Variants in SIDT2 observed in about 807,000 individuals in gnomAD.
SIDT2 encodes SID1 transmembrane family, member 2.
SIDT2 carries 68 observed loss-of-function variants against 114.4 expected under a neutral mutation model. The observed-to-expected ratio is 0.59, with a 90% CI of 0.49 to 0.73. SIDT2 has a LOEUF of 0.73. Among genes scored for constraint, SIDT2 ranks in the 30% least tolerant of loss-of-function variants. The probability of loss-of-function intolerance (pLI) is 0.00; values close to 1 mark genes in which losing one functional copy is unlikely to be tolerated. For missense variants in SIDT2, 918 were observed against 1,097.1 expected, an observed-to-expected ratio of 0.84 and a Z score of 2.31; for synonymous variants, 470 against 438.4, an observed-to-expected ratio of 1.07 and a Z score of -0.90.
chr11:117,193,122 C>T, intron 22 of SIDT2, 31 bp from the exon 23 acceptor site: 1 of 1,609,926 alleles, frequency 6.2e-7, no homozygotes, highest in Non-Finnish European at 8.5e-7. Flanking sequence ...CTTGGGCTTC[C>T]TGCTTCACCA....
At chr11:117,181,309 G>A in intron 1 of SIDT2, 107 bp from the exon 2 acceptor site, 1 of 1,532,070 alleles carries the variant, frequency 6.5e-7, no homozygotes, top group Non-Finnish European at 8.8e-7. Context: ...GACCAAGATG[G>A]AGAAAGACCA....
At chr11:117,191,411 C>G (rs1372583652) in intron 18 of SIDT2, 1 of 159,346 alleles carries the variant, frequency 6.3e-6, no homozygotes, top group Non-Finnish European at 1.4e-5. Flanking sequence ...TGGTGAAACC[C>G]CATCTCTACT....
rs765944497 is a variant in SIDT2 at position 117,186,188 on chromosome 11, G to A, written c.927G>A (p.Leu309=). ...FCLGIFLSFY[L]LTVLLACWEN... The stretch of plus-strand genomic sequence containing the variant: ...TGGGTATATTTCTCTCCTTTTACCT[G>A]CTGACCGTCCTCCTGGCCTGCTGGG... The change falls in exon 9 of 26, where the codon CTG becomes CTA. Residue 309 remains leucine, a synonymous_variant. Coordinates refer to ENST00000324225, the MANE Select transcript of SIDT2 (RefSeq NM_001040455.2). 1.2e-6 allele frequency: 2 copies of A among 1,614,116 alleles called. No homozygotes were observed. The highest frequency in any genetic ancestry group is 1.7e-6 in the Non-Finnish European group (2 of 1,180,026).
In SIDT2 at chr11:117,192,272, A is replaced by T. The variant is rs1197793532; in HGVS notation, c.1891A>T (p.Thr631Ser). ...VLGVVFGKGN[T>S]AFWIVFSIIH... is the part of the protein sequence containing the mutation. ...CCGACAGGTCTTTGGCAAAGGGAACACGGCGTTCTGGATCGTCTTCTCCAT... is the reference window on the plus strand; with the variant it reads ...CCGACAGGTCTTTGGCAAAGGGAACTCGGCGTTCTGGATCGTCTTCTCCAT... Residue 631 changes from threonine to serine, a missense_variant, in exon 20 of 26, where the codon ACG (threonine) becomes TCG (serine). Physicochemically the swap from Thr to Ser is moderately conservative, Grantham distance 58. This residue lies in a region of SIDT2 where 275 missense variants were observed against 397.6 expected (regional missense o/e 0.69). Transcript: ENST00000324225. The surrounding 1 kb of genome is among the most constrained non-coding windows in gnomAD (Gnocchi z 5.9). The T allele has an allele frequency of 6.2e-7, 1 of 1,610,620 alleles. No individual in the cohort carries two copies.
intron 1 of SIDT2, 199 bp downstream of exon 1, chr11:117,179,645 C>T: frequency 1.7e-6 from 1 of 577,004 alleles, no homozygotes. Context: ...TCCAGCTGGG[C>T]AGTTTTTGAA....
chr11:117,181,910 C>A lies in SIDT2; in HGVS notation c.409C>A (p.Leu137Met), dbSNP rs767960046. 3 of 1,614,068 alleles carry A rather than the reference C, an allele frequency of 1.9e-6. No homozygotes were observed. The highest frequency in any genetic ancestry group is 1.7e-5 in the Admixed American group (1 of 60,008). The change falls in exon 3 of 26, where the codon CTG (leucine) becomes ATG (methionine). Residue 137 changes from leucine (L) to methionine (M), a missense_variant. Leu to Met is a conservative substitution (Grantham distance 15). This residue lies in a region of SIDT2 where 553 missense variants were observed against 600.1 expected (regional missense o/e 0.92). Transcript: ENST00000324225. Reference protein sequence around the residue: ...IQFFYVDVSTLSPVNTTYQLR... With the variant: ...IQFFYVDVSTMSPVNTTYQLR... Reference sequence around the variant, plus strand: ...GTTCTTCTACGTGGATGTGTCCACCCTGTCACCAGTCAACACCACATACCA... The same window carrying A: ...GTTCTTCTACGTGGATGTGTCCACCATGTCACCAGTCAACACCACATACCA...
intron 1 of SIDT2, among the ~76,000 whole-genome samples, chr11:117,180,584 G>T: frequency 8.0e-6 from 1 of 124,566 alleles, no homozygotes; most frequent in East Asian, 2.5e-4. Flanking sequence ...TGCCCAGGCT[G>T]AAGTGCAGTT....
Position 117,190,261 on chromosome 11 carries a change from C to T in SIDT2, c.1589C>T (p.Ala530Val). ...CAACGGGAGATCAACCACAACCGGG[C>T]CCTGCTGCGCAATGACCTCTGTGCC... ...ILQREINHNRALLRNDLCALE... is the reference protein window; with the variant it reads ...ILQREINHNRVLLRNDLCALE... The change falls in exon 17 of 26, where the codon GCC (alanine) becomes GTC (valine). Residue 530 changes from alanine to valine, a missense_variant. Coordinates refer to ENST00000324225, the MANE Select transcript of SIDT2 (RefSeq NM_001040455.2). The surrounding 1 kb of genome is among the most constrained non-coding windows in gnomAD (Gnocchi z 4.1). 1.3e-6 allele frequency: 2 copies of T among 1,559,790 alleles called. No homozygotes were observed. The highest frequency in any genetic ancestry group is 1.7e-6 in the Non-Finnish European group (2 of 1,154,140).
Position 117,179,223 on chromosome 11 carries a change from GCCGCCGCCACCA to G in SIDT2, c.-36_-25del, listed in dbSNP as rs1441791234. 6.3e-7 allele frequency: 1 copy of G among 1,589,100 alleles called. No individual in the cohort carries two copies. The highest frequency in any genetic ancestry group is 2.2e-5 in the East Asian group (1 of 44,678). On this transcript the variant is annotated 5_prime_UTR_variant, in exon 1 of 26. Transcript: ENST00000324225. ...AGGTGTCCTGTCTCCTGTCGCCGCC[GCCGCCGCCACCA>G]CCGCTGCCACTGCCGCCCTGCCGGG...
rs949294862 is a variant in SIDT2, at chr11:117,188,757, C to T, written c.1209C>T (p.Ser403=). The T allele has an allele frequency of 1.9e-6, 3 of 1,614,054 alleles. No homozygotes were observed. Among genetic ancestry groups the T allele is most frequent in the Non-Finnish European group, 2.5e-6 (3 of 1,180,022 alleles). Reference sequence around the variant, plus strand: ...CTCGGCCCCGAGTGGACTCCATGAGCTCTGTGGAGGAGGATGACTACGACA... The same window carrying T: ...CTCGGCCCCGAGTGGACTCCATGAGTTCTGTGGAGGAGGATGACTACGACA... ...VGTRPRVDSM[S]SVEEDDYDTL... Residue 403 remains serine (S), a synonymous_variant, in exon 13 of 26, where the codon AGC becomes AGT. Coordinates refer to ENST00000324225, the MANE Select transcript of SIDT2 (RefSeq NM_001040455.2). The surrounding 1 kb of genome is among the most constrained non-coding windows in gnomAD (Gnocchi z 4.0).
At chr11:117,191,009 G>A (rs1210610561) in intron 18 of SIDT2, 2 of 299,968 alleles carry the variant, frequency 6.7e-6, no homozygotes, top group African/African-American at 4.3e-5. Flanking sequence ...CGGGTGCAGT[G>A]GCTCACGCCT....
chr11:117,182,310 G>A (rs1194268875), intron 4 of SIDT2: 2 of 721,378 alleles, frequency 2.8e-6, no homozygotes, highest in Non-Finnish European at 4.6e-6. Context: ...TTGCCTCTCT[G>A]GCATTCTGCT....
At chr11:117,193,009 T>C in intron 22 of SIDT2, 143 bp downstream of exon 22, 7 of 1,321,042 alleles carry the variant, frequency 5.3e-6, no homozygotes, top group Non-Finnish European at 5.5e-6. Flanking sequence ...CTCTCTTCTC[T>C]CTCTTGGCAT....
chr11:117,185,989 C>G (rs1384967466), intron 8 of SIDT2, 141 bp from the exon 9 acceptor site: 1 of 609,686 alleles, frequency 1.6e-6, no homozygotes, highest in Non-Finnish European at 2.9e-6. Context: ...GTTGTTCATA[C>G]TGGCTAGGCA....
chr11:117,182,007 G>T, intron 3 of SIDT2, 36 bp downstream of exon 3: 1 of 1,614,138 alleles, frequency 6.2e-7, no homozygotes, highest in Non-Finnish European at 8.5e-7. Flanking sequence ...ACGGGGGCTG[G>T]TTCTTCCCCA....
chr11:117,191,563 GAC>G lies in SIDT2; in HGVS notation c.1736-313_1736-312del. 9.7e-6 allele frequency: 3 copies of G among 308,390 alleles called. No homozygotes were observed. The South Asian group carries it at 1.4e-4, about 14-fold the overall frequency. The allele number at this position is 308,390 out of a possible 1,614,324, so 19.1% of individuals were successfully genotyped here. A position where few individuals can be genotyped will look rare whatever the true frequency, so the allele number is the denominator to read the frequency against. Reference sequence around the variant, plus strand: ...CCCACCATTGCACGCCAGCCTGGGCGACAGAGTGAGACTCCGTCTCCAAAAAA... The same window carrying G: ...CCCACCATTGCACGCCAGCCTGGGCGAGAGTGAGACTCCGTCTCCAAAAAA... On this transcript the variant is annotated intron_variant, in intron 18 of 25. Coordinates refer to ENST00000324225, the MANE Select transcript of SIDT2 (RefSeq NM_001040455.2).
At chr11:117,186,347 G>T (rs2030496760) in intron 9 of SIDT2, 124 bp downstream of exon 9, 1 of 898,106 alleles carries the variant, frequency 1.1e-6, no homozygotes, top group African/African-American at 1.6e-5. Flanking sequence ...ATGATGGTGG[G>T]GCTGTTAGAG....
At chr11:117,184,818 C>A (rs1048124277) in intron 8 of SIDT2, among the ~76,000 whole-genome samples, 1 of 152,128 alleles carries the variant, frequency 6.6e-6, no homozygotes, top group Non-Finnish European at 1.5e-5. Context: ...CTCCGCCTCC[C>A]GGGTTCAAAT....
chr11:117,193,283 T>A, intron 23 of SIDT2, 25 bp downstream of exon 23: 1 of 1,562,644 alleles, frequency 6.4e-7, no homozygotes, highest in East Asian at 2.2e-5. Context: ...CCAAGCCCCC[T>A]CTGTCAGCTG....
Sources: allele counts gnomAD v4.1 joint callset (sites outside exome capture counted in the v4.1 genomes callset), GRCh38; gene constraint gnomAD v4.1.1; regional missense constraint gnomAD v4.1.1; non-coding constraint Gnocchi (gnomAD v3.1); transcripts MANE v1.5; gene names NCBI Gene and HGNC (gene_info 2026-07-23, HGNC 2026-07-21).